Variants in PPP1R37 observed in about 807,000 individuals in gnomAD.
PPP1R37 encodes the protein leucine rich repeat containing 68.
Under a neutral mutation model 61.0 loss-of-function variants are expected in PPP1R37, and 21 were observed. The observed-to-expected ratio is 0.34, with a 90% confidence interval of 0.24 to 0.50. PPP1R37 has a LOEUF of 0.50. PPP1R37 is among the 20% of genes least tolerant of loss of function. The probability of loss-of-function intolerance (pLI) is 0.98; values close to 1 mark genes in which losing one functional copy is unlikely to be tolerated. For synonymous variants in PPP1R37, 443 were observed against 433.5 expected (o/e 1.02, Z -0.27); for missense variants, 910 against 952.7 (o/e 0.96, Z 0.59).
intron 1 of PPP1R37, among the ~76,000 whole-genome samples, chr19:45,101,715 C>T (rs554129441): frequency 1.7e-4 from 15 of 87,382 alleles, no homozygotes; most frequent in African/African-American, 7.8e-4. Flanking sequence ...GAGACCCTGT[C>T]TCAAAAGAAA....
intron 1 of PPP1R37, among the ~76,000 whole-genome samples, chr19:45,108,450 T>G (rs1968160159): frequency 6.6e-6 from 1 of 151,850 alleles, no homozygotes; most frequent in Admixed American, 6.6e-5. Context: ...TCAGGTGATC[T>G]GCCTGCCTCA....
Position 45,107,546 on chromosome 19 carries a change from A to G in PPP1R37, c.202+14019A>G, listed in dbSNP as rs566006443. ...TTGAGCCCAGGAGGTCGAGGCTGCA[A>G]TGAGCTGTGGTCTTGCCATTGGACT... On this transcript the variant is annotated intron_variant, in intron 1 of 12. Transcript: ENST00000221462. Among the ~76,000 whole-genome samples, 83 of 152,288 alleles carry G rather than the reference A, an allele frequency of 5.5e-4. 3 individuals carry two copies. Among genetic ancestry groups the G allele is most frequent in the African/African-American group, 3.6e-4 (15 of 41,560 alleles).
Position 45,130,514 on chromosome 19 carries a change from CT to C in PPP1R37, c.203-7999del, listed in dbSNP as rs1968463316. On this transcript the variant is annotated intron_variant, in intron 1 of 12. Transcript: ENST00000221462. This position sits in a 1 kb window ranked among gnomAD's most constrained non-coding sequence, Gnocchi z 4.4. ...GCCTGCCACGGGGTTTGCACAGGGA[CT>C]GCGCAGTGGGCCTCCTGAATGAAGA... 6.6e-6 allele frequency among the ~76,000 whole-genome samples: 1 copy of C among 152,192 alleles called. No individual in the cohort carries two copies. The highest frequency in any genetic ancestry group is 2.1e-4 in the South Asian group (1 of 4,830).
At position 45,130,762 on chromosome 19, in the gene PPP1R37, G is replaced by A. The variant is rs1387454988; in HGVS notation, c.203-7752G>A. 1.3e-5 allele frequency among the ~76,000 whole-genome samples: 2 copies of A among 152,306 alleles called. No individual in the cohort carries two copies. The highest frequency in any genetic ancestry group is 1.9e-4 in the East Asian group (1 of 5,192). ...CTCTGGTGCTCTGTGAACCTGGCTC[G>A]CAGACGTCCCGATTTCATGTGGTGG... On this transcript the variant is annotated intron_variant, in intron 1 of 12. Transcript: ENST00000221462. This position sits in a 1 kb window ranked among gnomAD's most constrained non-coding sequence, Gnocchi z 4.4.
chr19:45,142,512 C>A, intron 7 of PPP1R37, 54 bp downstream of exon 7: 1 of 1,494,154 alleles, frequency 6.7e-7, no homozygotes. Context: ...CCACTCTGCC[C>A]GGCCCTGCGC....
At chr19:45,115,316 T>G (rs959619671) in intron 1 of PPP1R37, among the ~76,000 whole-genome samples, 2 of 152,118 alleles carry the variant, frequency 1.3e-5, no homozygotes, top group Non-Finnish European at 2.9e-5. Context: ...AACTCTTGGG[T>G]GAGGCATGGG....
intron 7 of PPP1R37, 161 bp downstream of exon 7, chr19:45,142,619 A>C: frequency 1.4e-6 from 1 of 737,050 alleles, no homozygotes; most frequent in Non-Finnish European, 2.2e-6. Context: ...GACAGTGACA[A>C]CCTAGAGTGG....
At chr19:45,122,243 G>A (rs950823499) in intron 1 of PPP1R37, among the ~76,000 whole-genome samples, 3 of 152,162 alleles carry the variant, frequency 2.0e-5, no homozygotes, top group African/African-American at 7.2e-5. Context: ...ACCTCATCAC[G>A]TGCACACCTT....
chr19:45,124,817 A>AC (rs1052746761), intron 1 of PPP1R37, among the ~76,000 whole-genome samples: 4 of 151,368 alleles, frequency 2.6e-5, no homozygotes, highest in Non-Finnish European at 5.9e-5. Context: ...GAAAAAAAAA[A>AC]AAAACTGGCC....
intron 1 of PPP1R37, among the ~76,000 whole-genome samples, chr19:45,107,201 A>T (rs1452526176): frequency 6.6e-6 from 1 of 151,836 alleles, no homozygotes; most frequent in Non-Finnish European, 1.5e-5. Flanking sequence ...GCCCATTTTT[A>T]AATTGAGCCA....
At position 45,130,986 on chromosome 19, in the gene PPP1R37, C is replaced by T. The variant is rs1968469741; in HGVS notation, c.203-7528C>T. ...TTGACTCCCACTTGGATGACTGTGTCTGTTTCCCCCGCCCTGCTCCAGGCT... is the reference window on the plus strand; with the variant it reads ...TTGACTCCCACTTGGATGACTGTGTTTGTTTCCCCCGCCCTGCTCCAGGCT... On this transcript the variant is annotated intron_variant, in intron 1 of 12. Coordinates refer to ENST00000221462, the MANE Select transcript of PPP1R37 (RefSeq NM_019121.2). The surrounding 1 kb of genome is among the most constrained non-coding windows in gnomAD (Gnocchi z 4.4). Among the ~76,000 whole-genome samples the T allele has an allele frequency of 6.6e-6, 1 of 152,156 alleles. No homozygotes were observed. Among genetic ancestry groups the T allele is most frequent in the Non-Finnish European group, 1.5e-5 (1 of 68,030 alleles).
chr19:45,118,854 A>T (rs1438611743), intron 1 of PPP1R37, among the ~76,000 whole-genome samples: 2 of 151,946 alleles, frequency 1.3e-5, no homozygotes, highest in Admixed American at 1.3e-4. Flanking sequence ...GCTGGGCTTT[A>T]TAACTAATTC....
At chr19:45,105,000 C>G (rs776554267) in intron 1 of PPP1R37, among the ~76,000 whole-genome samples, 13 of 152,228 alleles carry the variant, frequency 8.5e-5, no homozygotes, top group Admixed American at 5.2e-4. Context: ...CCTGCTGATA[C>G]TCTTGCCCTG....
At chr19:45,122,907 C>T (rs576342976) in intron 1 of PPP1R37, among the ~76,000 whole-genome samples, 2 of 152,182 alleles carry the variant, frequency 1.3e-5, no homozygotes, top group Admixed American at 6.5e-5. Flanking sequence ...TGACCCCTCT[C>T]GTCTCACACT....
chr19:45,145,452 C>T lies in PPP1R37; in HGVS notation c.1396C>T (p.Gln466Ter). The change falls in exon 11 of 13, where the codon CAG becomes TAG. Residue 466 changes from glutamine to a stop codon, truncating the protein, a stop_gained. Coordinates refer to ENST00000221462, the MANE Select transcript of PPP1R37 (RefSeq NM_019121.2). LOFTEE classifies it high-confidence loss of function. ...GGCGCGGGAGAGGGAGGAGAAGGAGCAGCCGCCACAGCTGTCGGCCTCCAT... is the reference window on the plus strand; with the variant it reads ...GGCGCGGGAGAGGGAGGAGAAGGAGTAGCCGCCACAGCTGTCGGCCTCCAT... ...VLAREREEKE[Q>*]PPQLSASMPE... 1 of 1,535,110 alleles carries T rather than the reference C, an allele frequency of 6.5e-7. No homozygotes were observed. Among genetic ancestry groups the T allele is most frequent in the Non-Finnish European group, 8.7e-7 (1 of 1,146,574 alleles).
Position 45,145,105 on chromosome 19 carries a change from G to A in PPP1R37, c.1141G>A (p.Val381Met). The A allele has an allele frequency of 6.5e-7, 1 of 1,533,272 alleles. No homozygotes were observed. Among genetic ancestry groups the A allele is most frequent in the Non-Finnish European group, 8.7e-7 (1 of 1,145,744 alleles). The allele number at this position is 1,533,272 out of a possible 1,614,324, so 95.0% of individuals were successfully genotyped here. ...TKLTCEGAVA[V>M]AEFIAESPRL... is the part of the protein sequence containing the mutation. ...CGGTGCCCCCCCAGGCGCGGTGGCG[G>A]TGGCGGAGTTCATCGCTGAGAGCCC... The change falls in exon 10 of 13, where the codon GTG becomes ATG. Residue 381 changes from valine to methionine, a missense_variant. Val to Met is a conservative substitution (Grantham distance 21, BLOSUM62 1). Coordinates refer to ENST00000221462, the MANE Select transcript of PPP1R37 (RefSeq NM_019121.2).
intron 1 of PPP1R37, among the ~76,000 whole-genome samples, chr19:45,098,178 G>T (rs564876232): frequency 6.6e-6 from 1 of 152,122 alleles, no homozygotes; most frequent in Non-Finnish European, 1.5e-5. Flanking sequence ...GAAAGAGGCC[G>T]CTTCAGCACT....
Position 45,143,436 on chromosome 19 carries a change from C to T in PPP1R37, c.875-85C>T, listed in dbSNP as rs989684619. 7.9e-6 allele frequency: 6 copies of T among 763,696 alleles called. No individual in the cohort carries two copies. In the African/African-American group the frequency reaches 8.6e-5, roughly 11 times the overall value. 47.3% of individuals were successfully genotyped at this position (763,696 alleles called of 1,614,324 possible). A position where few individuals can be genotyped will look rare whatever the true frequency, so the allele number is the denominator to read the frequency against. On this transcript the variant is annotated intron_variant, in intron 7 of 12. Transcript: ENST00000221462. The stretch of plus-strand genomic sequence containing the variant: ...GCGGGGCCTCCATGGAGGTCCTAAG[C>T]AGAGGGGGTTGCTCCTACCCTGCAG...
intron 1 of PPP1R37, among the ~76,000 whole-genome samples, chr19:45,125,958 T>G (rs770629976): frequency 6.6e-6 from 1 of 152,206 alleles, no homozygotes; most frequent in Non-Finnish European, 1.5e-5. Context: ...CTGCTGCAAG[T>G]GCACAGGCTT....
Sources: gnomAD v4.1 joint callset for allele counts (sites outside exome capture counted in the v4.1 genomes callset) on GRCh38, gnomAD v4.1.1 for gene constraint, Gnocchi (gnomAD v3.1) non-coding constraint, MANE v1.5 for transcripts, NCBI Gene and HGNC (gene_info 2026-07-23, HGNC 2026-07-21) for gene names.